The following AFG2A variants were observed in gnomAD, a reference collection of about 807,000 sequenced individuals.
AFG2A encodes AAA ATPase AFG2A.
At chr4:123,151,328 A>C in the AFG2A span, among the ~76,000 whole-genome samples, 7 of 152,240 alleles carry the variant, frequency 4.6e-5, no homozygotes, top group Non-Finnish European at 1.0e-4. Context: ...CAGAGTGAAC[A>C]GGCAACCTAC....
chr4:123,167,484 A>C, the AFG2A span, among the ~76,000 whole-genome samples: 2 of 152,082 alleles, frequency 1.3e-5, no homozygotes, highest in Admixed American at 1.3e-4. Flanking sequence ...AGTAGCTGGG[A>C]GTACAGGCGC....
At chr4:123,025,588 GT>G in the AFG2A span, among the ~76,000 whole-genome samples, 7 of 151,810 alleles carry the variant, frequency 4.6e-5, no homozygotes, top group African/African-American at 1.7e-4. Context: ...AGTTGTATGG[GT>G]TTTTTTGTTA....
chr4:122,979,745 G>T, the AFG2A span, among the ~76,000 whole-genome samples: 1 of 151,982 alleles, frequency 6.6e-6, no homozygotes, highest in Non-Finnish European at 1.5e-5. Context: ...TCTACAAAAA[G>T]TACAAATTAG....
the AFG2A span, among the ~76,000 whole-genome samples, chr4:122,988,525 A>G: frequency 6.6e-6 from 1 of 151,174 alleles, no homozygotes; most frequent in Non-Finnish European, 1.5e-5. Context: ...CAGCCTCCTG[A>G]GTAGCTGGCA....
the AFG2A span, among the ~76,000 whole-genome samples, chr4:123,153,996 AGACATTT>A: frequency 1.3e-5 from 2 of 152,196 alleles, no homozygotes; most frequent in Admixed American, 6.5e-5. Flanking sequence ...AGTGTAGTAA[AGACATTT>A]GTCTTTCAAA....
the AFG2A span, among the ~76,000 whole-genome samples, chr4:123,282,755 G>A: frequency 7.0e-5 from 9 of 128,418 alleles, no homozygotes; most frequent in African/African-American, 2.2e-4. Context: ...GAACTAAGAA[G>A]TCTTGTTATT....
the AFG2A span, among the ~76,000 whole-genome samples, chr4:122,959,289 T>C: frequency 6.6e-6 from 1 of 152,234 alleles, no homozygotes; most frequent in African/African-American, 2.4e-5. Context: ...AATGTGCTCT[T>C]CCAAACTATC....
At chr4:123,181,283 C>A in the AFG2A span, among the ~76,000 whole-genome samples, 1 of 151,872 alleles carries the variant, frequency 6.6e-6, no homozygotes, top group Admixed American at 6.6e-5. Flanking sequence ...TGCGCCCGGC[C>A]CTCCTCCTCT....
chr4:123,253,916 G>A, the AFG2A span, among the ~76,000 whole-genome samples: 2 of 152,102 alleles, frequency 1.3e-5, no homozygotes, highest in Non-Finnish European at 1.5e-5. Context: ...TTCTTATAAT[G>A]TAATGGTATC....
chr4:122,928,376 C>T, the AFG2A span, among the ~76,000 whole-genome samples: 2 of 152,058 alleles, frequency 1.3e-5, no homozygotes, highest in Admixed American at 6.6e-5. Flanking sequence ...TGCTACCAGC[C>T]CCTTATCTTT....
the AFG2A span, among the ~76,000 whole-genome samples, chr4:123,060,291 G>T: frequency 1.3e-5 from 2 of 152,230 alleles, no homozygotes; most frequent in African/African-American, 4.8e-5. Context: ...ACTAGGTGGT[G>T]CCCCAGTGGG....
the AFG2A span, among the ~76,000 whole-genome samples, chr4:123,032,461 C>T: frequency 5.6e-4 from 86 of 152,260 alleles, no homozygotes; most frequent in Non-Finnish European, 9.3e-4. Flanking sequence ...GGCGCGATCT[C>T]GGCTCACTGC....
At chr4:123,159,308 C>G in the AFG2A span, among the ~76,000 whole-genome samples, 2 of 152,072 alleles carry the variant, frequency 1.3e-5, no homozygotes, top group Non-Finnish European at 2.9e-5. Context: ...AGTCATATTT[C>G]TCACTTAATT....
the AFG2A span, among the ~76,000 whole-genome samples, chr4:123,219,442 C>T: frequency 6.9e-4 from 105 of 152,264 alleles, no homozygotes; most frequent in African/African-American, 2.5e-3. Flanking sequence ...CACCCAGTAA[C>T]AATTCTTTAC....
chr4:123,188,621 C>T, the AFG2A span, among the ~76,000 whole-genome samples: 3 of 152,156 alleles, frequency 2.0e-5, no homozygotes, highest in African/African-American at 4.8e-5. Flanking sequence ...ATATTTCCCC[C>T]GTAGCTTTTT....
chr4:122,980,925 G>C, the AFG2A span, among the ~76,000 whole-genome samples: 1 of 151,948 alleles, frequency 6.6e-6, no homozygotes, highest in South Asian at 2.1e-4. Flanking sequence ...CTCATATATG[G>C]TTCACACATA....
the AFG2A span, among the ~76,000 whole-genome samples, chr4:123,016,233 C>T: frequency 1.1e-4 from 16 of 148,268 alleles, no homozygotes; most frequent in South Asian, 2.0e-3. Context: ...ACCTCCCTCC[C>T]GGACGGGGCG....
chr4:123,256,642 T>A, the AFG2A span: 22 of 923,266 alleles, frequency 2.4e-5, no homozygotes, highest in Non-Finnish European at 2.7e-5. Context: ...TGTATCATTA[T>A]CATCTTTTTG....
At chr4:123,004,205 C>G in the AFG2A span, among the ~76,000 whole-genome samples, 2 of 152,310 alleles carry the variant, frequency 1.3e-5, no homozygotes, top group Middle Eastern at 3.4e-3. Context: ...TCCAGGTGCC[C>G]TCTGTTACCC....
Sources: allele counts gnomAD v4.1 joint callset (sites outside exome capture counted in the v4.1 genomes callset), GRCh38; gene constraint gnomAD v4.1.1; transcripts MANE v1.5; gene names NCBI Gene and HGNC (gene_info 2026-07-23, HGNC 2026-07-21).